Variants in SPMAP2L observed in about 807,000 individuals in gnomAD.
SPMAP2L encodes the protein sperm microtubule associated protein 2-like.
chr4:56,569,539 G>A, the SPMAP2L span, among the ~76,000 whole-genome samples: 1 of 152,072 alleles, frequency 6.6e-6, no homozygotes, highest in South Asian at 2.1e-4. Context: ...GCTGGGTGTG[G>A]TGGCTCATGC....
the SPMAP2L span, among the ~76,000 whole-genome samples, chr4:56,592,762 G>A: frequency 6.6e-6 from 1 of 152,026 alleles, no homozygotes; most frequent in South Asian, 2.1e-4. Context: ...CGTGGGGCCG[G>A]GACAGCAGCA....
the SPMAP2L span, chr4:56,593,759 A>G: frequency 1.3e-6 from 2 of 1,571,000 alleles, no homozygotes; most frequent in Non-Finnish European, 1.8e-6. Flanking sequence ...TCTTCAAACC[A>G]GGGAGCAACA....
At chr4:56,534,722 T>C in the SPMAP2L span, among the ~76,000 whole-genome samples, 29 of 152,258 alleles carry the variant, frequency 1.9e-4, no homozygotes, top group Non-Finnish European at 2.8e-4. Flanking sequence ...AGGTCAGGGG[T>C]TCGAGACCAG....
chr4:56,593,264 C>A, the SPMAP2L span: 1 of 1,226,284 alleles, frequency 8.2e-7, no homozygotes, highest in Non-Finnish European at 1.2e-6. Context: ...GGGACTGCGG[C>A]TGCAGAGGCG....
At chr4:56,556,916 C>A in the SPMAP2L span, among the ~76,000 whole-genome samples, 7 of 151,830 alleles carry the variant, frequency 4.6e-5, no homozygotes, top group African/African-American at 1.4e-4. Flanking sequence ...TATTGGAAGC[C>A]TGGAGCACGT....
the SPMAP2L span, chr4:56,600,921 G>T: frequency 3.3e-6 from 5 of 1,528,232 alleles, no homozygotes; most frequent in Non-Finnish European, 4.4e-6. Context: ...GTGTCTCTTT[G>T]TTTCCACTAT....
At chr4:56,551,188 G>A in the SPMAP2L span, among the ~76,000 whole-genome samples, 1 of 152,182 alleles carries the variant, frequency 6.6e-6, no homozygotes, top group African/African-American at 2.4e-5. Context: ...AAGAGCTCAG[G>A]CAAGTGTTAG....
At chr4:56,602,588 G>C in the SPMAP2L span, among the ~76,000 whole-genome samples, 2 of 152,158 alleles carry the variant, frequency 1.3e-5, no homozygotes, top group Non-Finnish European at 2.9e-5. Flanking sequence ...CCAGCTATTT[G>C]AGAGGCCGAG....
the SPMAP2L span, among the ~76,000 whole-genome samples, chr4:56,611,387 G>C: frequency 1.4e-4 from 22 of 152,252 alleles, no homozygotes; most frequent in South Asian, 4.1e-3. Context: ...AGGATGCAAA[G>C]GCATAAGAAT....
chr4:56,563,240 A>G, the SPMAP2L span, among the ~76,000 whole-genome samples: 1 of 150,074 alleles, frequency 6.7e-6, no homozygotes, highest in African/African-American at 2.5e-5. Context: ...CTACAGGCAC[A>G]TGTCACCATA....
chr4:56,541,690 G>A, the SPMAP2L span, among the ~76,000 whole-genome samples: 1 of 152,092 alleles, frequency 6.6e-6, no homozygotes, highest in Admixed American at 6.6e-5. Flanking sequence ...TAAAGAAACT[G>A]CCAGATACCA....
chr4:56,597,560 A>C, the SPMAP2L span, among the ~76,000 whole-genome samples: 2,154 of 152,296 alleles, frequency 0.014, 50 homozygotes, highest in African/African-American at 0.049. Flanking sequence ...CCATTCTGGG[A>C]ATCAGAAACT....
the SPMAP2L span, among the ~76,000 whole-genome samples, chr4:56,539,461 G>A: frequency 1.4e-3 from 216 of 152,030 alleles, 1 homozygote; most frequent in Admixed American, 7.0e-3. Flanking sequence ...TGCTCTTGTT[G>A]CCAAGGCTGG....
chr4:56,583,464 T>C, the SPMAP2L span, among the ~76,000 whole-genome samples: 1 of 152,136 alleles, frequency 6.6e-6, no homozygotes, highest in Non-Finnish European at 1.5e-5. Flanking sequence ...AATTTTATGG[T>C]ATGTTGATTG....
At chr4:56,621,910 T>C in the SPMAP2L span, among the ~76,000 whole-genome samples, 1 of 152,130 alleles carries the variant, frequency 6.6e-6, no homozygotes, top group South Asian at 2.1e-4. Context: ...ATTGTAATGG[T>C]AGAAACATGC....
chr4:56,560,726 C>A, the SPMAP2L span, among the ~76,000 whole-genome samples: 1 of 152,120 alleles, frequency 6.6e-6, no homozygotes, highest in African/African-American at 2.4e-5. Flanking sequence ...CTGTACCTGG[C>A]CAGCATGTTT....
At chr4:56,595,590 C>T in the SPMAP2L span, 2 of 1,352,120 alleles carry the variant, frequency 1.5e-6, no homozygotes, top group Admixed American at 3.4e-5. Context: ...CTTCGTGAAA[C>T]CAGAGAACAA....
At chr4:56,621,490 G>T in the SPMAP2L span, among the ~76,000 whole-genome samples, 2 of 152,164 alleles carry the variant, frequency 1.3e-5, no homozygotes, top group Non-Finnish European at 2.9e-5. Context: ...TGTAGGGCAG[G>T]TAGTTTATCC....
At chr4:56,531,838 A>G in the SPMAP2L span, among the ~76,000 whole-genome samples, 2 of 152,154 alleles carry the variant, frequency 1.3e-5, no homozygotes, top group Admixed American at 1.3e-4. Context: ...TGGACCGCCA[A>G]TCTTTTGGGA....
Sources: gnomAD v4.1 joint callset for allele counts (sites outside exome capture counted in the v4.1 genomes callset) on GRCh38, gnomAD v4.1.1 for gene constraint, MANE v1.5 for transcripts, NCBI Gene and HGNC (gene_info 2026-07-23, HGNC 2026-07-21) for gene names.